Variants in SAMD12 observed in about 807,000 individuals in gnomAD.
SAMD12 encodes the protein sterile alpha motif domain-containing protein 12.
Under a neutral mutation model 15.0 loss-of-function variants are expected in SAMD12, and 9 were observed. The observed-to-expected ratio is 0.60, with a 90% CI of 0.36 to 1.05. The LOEUF is 1.05. SAMD12 is among the 50% of genes least tolerant of loss of function. SAMD12 has a pLI of 0.01. For synonymous variants in SAMD12, 86 were observed against 90.1 expected (o/e 0.96, Z 0.25); for missense variants, 230 against 234.2 (o/e 0.98, Z 0.12).
chr8:118,340,694 G>A (rs554502401), intron 4 of SAMD12, among the ~76,000 whole-genome samples: 182 of 152,192 alleles, frequency 1.2e-3, no homozygotes, highest in African/African-American at 4.1e-3. Context: ...ACTTGAACCC[G>A]GGAGGTGGAG....
intron 2 of SAMD12, among the ~76,000 whole-genome samples, chr8:118,578,210 TTC>T (rs1484245996): frequency 6.6e-6 from 1 of 152,204 alleles, no homozygotes; most frequent in African/African-American, 2.4e-5. Context: ...CATACAGGTC[TTC>T]TACATCCTCA....
At chr8:118,486,592 A>G (rs962998911) in intron 2 of SAMD12, among the ~76,000 whole-genome samples, 1 of 152,188 alleles carries the variant, frequency 6.6e-6, no homozygotes, top group African/African-American at 2.4e-5. Context: ...GCCTCCAGAA[A>G]GGAAAGTGGC....
intron 2 of SAMD12, among the ~76,000 whole-genome samples, chr8:118,468,783 G>A (rs1823671145): frequency 6.6e-6 from 1 of 152,080 alleles, no homozygotes; most frequent in Non-Finnish European, 1.5e-5. Context: ...GTTTATCCAT[G>A]GGTGTATTAA....
intron 3 of SAMD12, among the ~76,000 whole-genome samples, chr8:118,391,629 C>G (rs983174398): frequency 2.6e-4 from 39 of 152,164 alleles, no homozygotes; most frequent in African/African-American, 9.2e-4. Context: ...AGCCAAAGTA[C>G]TGTTCAAAAA....
Position 118,392,935 on chromosome 8 carries a change from G to A in SAMD12, c.323-13235C>T, listed in dbSNP as rs182224703. Among the ~76,000 whole-genome samples the A allele has an allele frequency of 2.6e-5, 4 of 152,204 alleles. No individual in the cohort carries two copies. In the East Asian group the frequency reaches 7.7e-4, roughly 29 times the overall value. ...CCCTGGTTGAGAACCATTGGTTTAG[G>A]AGTTTGCTTCCAACCAAGTGATTCA... On this transcript the variant is annotated intron_variant, in intron 3 of 3. Transcript: ENST00000314727.
In SAMD12 at chr8:118,399,214, T is replaced by A. The variant is rs1224807989; in HGVS notation, c.323-19514A>T. Among the ~76,000 whole-genome samples, 45 of 128,220 alleles carry A rather than the reference T, an allele frequency of 3.5e-4. No individual in the cohort carries two copies. In the South Asian group the frequency reaches 9.1e-3, roughly 26 times the overall value. The allele number at this position is 128,220 out of a possible 152,430, so 84.1% of individuals were successfully genotyped here. A position where few individuals can be genotyped will look rare whatever the true frequency, so the allele number is the denominator to read the frequency against. The stretch of plus-strand genomic sequence containing the variant: ...AATTTTTTTTTTCTTTTTTTTTTTT[T>A]AATAAATGACTGTGGAAGGGTGGAA... On this transcript the variant is annotated intron_variant, in intron 3 of 3. Transcript: ENST00000314727.
intron 1 of SAMD12, among the ~76,000 whole-genome samples, chr8:118,603,383 T>A (rs957709832): frequency 6.6e-6 from 1 of 152,164 alleles, no homozygotes; most frequent in Non-Finnish European, 1.5e-5. Context: ...CAGGAAGAAC[T>A]AAGTATGTTT....
chr8:118,192,774 G>A (rs1819445302), exon 5 of SAMD12: 1 of 152,160 alleles, frequency 6.6e-6, no homozygotes, highest in African/African-American at 2.4e-5. Context: ...CACTTATTAT[G>A]TCAACCAGCC....
chr8:118,162,043 C>T, the SAMD12 span, among the ~76,000 whole-genome samples: 1 of 151,246 alleles, frequency 6.6e-6, no homozygotes, highest in African/African-American at 2.4e-5. Flanking sequence ...GCCTGTAGTC[C>T]CAGCTACTCG....
chr8:118,280,579 C>G (rs1219521489), intron 4 of SAMD12, among the ~76,000 whole-genome samples: 1 of 152,072 alleles, frequency 6.6e-6, no homozygotes, highest in South Asian at 2.1e-4. Context: ...AGCCATGACT[C>G]TGGACTATCA....
intron 3 of SAMD12, among the ~76,000 whole-genome samples, chr8:118,392,676 C>T (rs1274341854): frequency 6.6e-6 from 1 of 152,144 alleles, no homozygotes; most frequent in Non-Finnish European, 1.5e-5. Context: ...CAAAAGTCAT[C>T]AACATGATAC....
chr8:118,220,900 C>T (rs1812069884), intron 4 of SAMD12, among the ~76,000 whole-genome samples: 1 of 152,084 alleles, frequency 6.6e-6, no homozygotes, highest in African/African-American at 2.4e-5. Context: ...CTTGTGCCAA[C>T]TGCCTGAGAG....
intron 3 of SAMD12, among the ~76,000 whole-genome samples, chr8:118,386,147 A>G (rs982021295): frequency 2.6e-5 from 4 of 152,318 alleles, no homozygotes; most frequent in African/African-American, 9.6e-5. Context: ...AGGGGCTTCA[A>G]ACAATAGAAA....
the SAMD12 span, among the ~76,000 whole-genome samples, chr8:118,172,256 AAAAAT>A: frequency 2.7e-5 from 4 of 150,824 alleles, no homozygotes; most frequent in Non-Finnish European, 4.4e-5. Flanking sequence ...AAGTAAAATT[AAAAAT>A]AAAATAAACT....
chr8:118,283,783 A>G (rs1454341155), intron 4 of SAMD12, among the ~76,000 whole-genome samples: 2 of 152,206 alleles, frequency 1.3e-5, no homozygotes, highest in African/African-American at 4.8e-5. Context: ...AAATGTATGC[A>G]TAGAGGAGAT....
At chr8:118,217,167 C>G (rs1811982649) in intron 4 of SAMD12, among the ~76,000 whole-genome samples, 1 of 152,166 alleles carries the variant, frequency 6.6e-6, no homozygotes, top group East Asian at 1.9e-4. Flanking sequence ...CCACACCCAG[C>G]TAATTTTTGT....
At chr8:118,144,163 C>T in the SAMD12 span, among the ~76,000 whole-genome samples, 37 of 152,208 alleles carry the variant, frequency 2.4e-4, no homozygotes, top group Admixed American at 9.2e-4. Context: ...AGGATTCGGG[C>T]GAGGATCTCT....
At chr8:118,282,252 C>T (rs1163270665) in intron 4 of SAMD12, 11 of 456,004 alleles carry the variant, frequency 2.4e-5, no homozygotes, top group Non-Finnish European at 4.4e-5. Flanking sequence ...GGTCAAACAC[C>T]TAAGAGGAAC....
intron 4 of SAMD12, among the ~76,000 whole-genome samples, chr8:118,232,289 G>C (rs17452219): frequency 0.063 from 9,581 of 152,142 alleles, 679 homozygotes; most frequent in East Asian, 0.15. Context: ...AATCATCCTG[G>C]GGGATCAGAG....
Sources: gnomAD v4.1 joint callset for allele counts (sites outside exome capture counted in the v4.1 genomes callset) on GRCh38, gnomAD v4.1.1 for gene constraint, MANE v1.5 for transcripts, NCBI Gene and HGNC (gene_info 2026-07-23, HGNC 2026-07-21) for gene names.